DCAF17: variants seen among roughly 807,000 people sequenced by gnomAD.
The protein encoded by DCAF17 is DDB1- and CUL4-associated factor 17.
DCAF17 carries 48 observed loss-of-function variants against 66.0 expected under a neutral mutation model. The ratio of observed to expected loss-of-function variants is 0.73; its 90% CI spans 0.58 to 0.92. The LOEUF is 0.92. Among genes scored for constraint, DCAF17 ranks in the 40% least tolerant of loss-of-function variants. The probability of loss-of-function intolerance (pLI) is 0.00; values close to 1 mark genes in which losing one functional copy is unlikely to be tolerated. For missense variants in DCAF17, 562 were observed against 622.8 expected (o/e 0.90, Z 1.04); for synonymous variants, 206 against 214.6 (o/e 0.96, Z 0.35).
At chr2:171,477,455 T>A (rs1018994429) in intron 11 of DCAF17, among the ~76,000 whole-genome samples, 4 of 151,544 alleles carry the variant, frequency 2.6e-5, no homozygotes, top group Non-Finnish European at 5.9e-5. Context: ...TTTAAATAAT[T>A]TTTTTTTTGC....
At chr2:171,480,522 A>G (rs1696693858) in intron 13 of DCAF17, among the ~76,000 whole-genome samples, 1 of 152,182 alleles carries the variant, frequency 6.6e-6, no homozygotes, top group South Asian at 2.1e-4. Flanking sequence ...AATCCCCACA[A>G]TTATTTACTA....
chr2:171,434,838 CG>C (rs1693737298), intron 1 of DCAF17, 135 bp downstream of exon 1: 1 of 1,345,282 alleles, frequency 7.4e-7, no homozygotes, highest in Middle Eastern at 2.7e-4. Context: ...GATACAAGCC[CG>C]GAATCTGGGA....
Position 171,467,729 on chromosome 2 carries a change from A to G in DCAF17, c.839-1159A>G, listed in dbSNP as rs1488225946. The stretch of plus-strand genomic sequence containing the variant: ...TAGGTGACAGAGCGAGACTGTCTCA[A>G]AAAAAAAAAAAAAAAAAAAAAAAAA... On this transcript the variant is annotated intron_variant, in intron 8 of 13. Transcript: ENST00000375255. Among the ~76,000 whole-genome samples, 259 of 79,890 alleles carry G rather than the reference A, an allele frequency of 3.2e-3. 3 individuals carry two copies. The highest frequency in any genetic ancestry group is 5.3e-3 in the Non-Finnish European group (197 of 36,942). 52.4% of individuals were successfully genotyped at this position (79,890 alleles called of 152,430 possible). A position where few individuals can be genotyped will look rare whatever the true frequency, so the allele number is the denominator to read the frequency against.
intron 2 of DCAF17, among the ~76,000 whole-genome samples, chr2:171,436,256 A>G (rs143566585): frequency 4.6e-5 from 7 of 152,338 alleles, no homozygotes; most frequent in East Asian, 1.9e-4. Context: ...CCTTTTAGCT[A>G]TTATAAATAA....
chr2:171,462,637 G>A (rs1341395182), intron 8 of DCAF17, among the ~76,000 whole-genome samples: 1 of 152,068 alleles, frequency 6.6e-6, no homozygotes, highest in Admixed American at 6.5e-5. Flanking sequence ...TTGTCAATAT[G>A]ACAGTTTGTT....
At chr2:171,440,569 G>A (rs536179404) in intron 2 of DCAF17, among the ~76,000 whole-genome samples, 1 of 152,270 alleles carries the variant, frequency 6.6e-6, no homozygotes, top group South Asian at 2.1e-4. Flanking sequence ...GCGAGACAGT[G>A]TCTCAAAAAA....
rs749770451 is a variant in DCAF17 at position 171,483,244 on chromosome 2, A to C, written c.*2130A>C. On this transcript the variant is annotated 3_prime_UTR_variant, in exon 14 of 14. Transcript: ENST00000375255. ...ATTAATGTCTTCCTGCCCTACCTAA[A>C]CCCCCTCTTTACCTGATATTTTAAT... 98 of 453,600 alleles carry C rather than the reference A, an allele frequency of 2.2e-4. No individual in the cohort carries two copies. Among genetic ancestry groups the C allele is most frequent in the African/African-American group, 1.8e-3 (91 of 49,922 alleles). The allele number at this position is 453,600 out of a possible 1,614,324, so 28.1% of individuals were successfully genotyped here. A position where few individuals can be genotyped will look rare whatever the true frequency, so the allele number is the denominator to read the frequency against.
At chr2:171,460,914 A>G (rs1695549371) in intron 8 of DCAF17, among the ~76,000 whole-genome samples, 1 of 152,094 alleles carries the variant, frequency 6.6e-6, no homozygotes, top group Non-Finnish European at 1.5e-5. Context: ...AACATGATCT[A>G]TGAAATCATT....
At chr2:171,450,061 C>G (rs1205049743) in intron 5 of DCAF17, 104 bp downstream of exon 5, 1 of 1,029,618 alleles carries the variant, frequency 9.7e-7, no homozygotes, top group Non-Finnish European at 1.5e-6. Context: ...CTGAAGCATG[C>G]TGTAAAAGAT....
intron 5 of DCAF17, among the ~76,000 whole-genome samples, chr2:171,450,967 A>T (rs986925219): frequency 6.6e-6 from 1 of 151,972 alleles, no homozygotes; most frequent in South Asian, 2.1e-4. Flanking sequence ...GCTCTTATGC[A>T]CTGTAGTAAG....
At chr2:171,477,607 G>A (rs1220972460) in intron 11 of DCAF17, among the ~76,000 whole-genome samples, 1 of 152,148 alleles carries the variant, frequency 6.6e-6, no homozygotes, top group Non-Finnish European at 1.5e-5. Flanking sequence ...CACCCTGGGT[G>A]ACATGGTAAA....
chr2:171,436,695 T>C (rs1693985904), intron 2 of DCAF17, among the ~76,000 whole-genome samples: 1 of 152,016 alleles, frequency 6.6e-6, no homozygotes, highest in Admixed American at 6.6e-5. Context: ...TTATCAGATA[T>C]ATGATTTCAA....
intron 2 of DCAF17, 128 bp downstream of exon 2, chr2:171,435,314 C>T (rs1261811838): frequency 1.4e-6 from 1 of 724,196 alleles, no homozygotes; most frequent in East Asian, 2.7e-5. Flanking sequence ...CGAAATAAGA[C>T]TAGGCAGTAA....
intron 1 of DCAF17, 177 bp from the exon 2 acceptor site, chr2:171,434,905 TG>T: frequency 9.8e-7 from 1 of 1,025,376 alleles, no homozygotes; most frequent in Non-Finnish European, 1.4e-6. Flanking sequence ...ATGTCTTACC[TG>T]GAAACAATTA....
Position 171,443,558 on chromosome 2 carries a change from C to G in DCAF17, c.266C>G (p.Pro89Arg), listed in dbSNP as rs889604735. The G allele has an allele frequency of 1.2e-6, 2 of 1,612,712 alleles. No homozygotes were observed. Among genetic ancestry groups the G allele is most frequent in the East Asian group, 2.2e-5 (1 of 44,702 alleles). The stretch of plus-strand genomic sequence containing the variant: ...GAGCCAAGAAAACTTTATGAAATGC[C>G]AAAATGTTCCAAATCAGAAAAAATA... ...ASEPRKLYEM[P>R]KCSKSEKIED... Residue 89 changes from proline (P) to arginine (R), a missense_variant, in exon 3 of 14, where the codon CCA (proline) becomes CGA (arginine). By Grantham distance (103) the Pro-to-Arg change is moderately radical. Around this residue, in one of 3 missense-constraint regions of DCAF17, gnomAD observed 348 missense variants for 355.9 expected, o/e 0.98. Coordinates refer to ENST00000375255, the MANE Select transcript of DCAF17 (RefSeq NM_025000.4).
chr2:171,478,166 G>A, intron 12 of DCAF17, 96 bp downstream of exon 12: 1 of 1,139,790 alleles, frequency 8.8e-7, no homozygotes, highest in Non-Finnish European at 1.3e-6. Context: ...TAGAGGTTGG[G>A]GTTGAGGGGT....
intron 11 of DCAF17, among the ~76,000 whole-genome samples, chr2:171,477,515 C>T (rs1696553472): frequency 2.6e-5 from 4 of 152,128 alleles, no homozygotes; most frequent in East Asian, 3.9e-4. Context: ...ATTTTTGAGC[C>T]GGGCATGGTG....
intron 1 of DCAF17, 46 bp downstream of exon 1, chr2:171,434,749 GGCGGCCGA>G (rs1693719301): frequency 7.2e-7 from 1 of 1,391,000 alleles, no homozygotes; most frequent in Admixed American, 3.7e-5. Flanking sequence ...GCGGGCGCGC[GGCGGCCGA>G]GCCTCCTGCG....
Position 171,462,964 on chromosome 2 carries a change from G to T in DCAF17, c.838+4487G>T, listed in dbSNP as rs562621312. Among the ~76,000 whole-genome samples, 4 of 152,226 alleles carry T rather than the reference G, an allele frequency of 2.6e-5. No individual in the cohort carries two copies. The South Asian group carries it at 8.3e-4, about 32-fold the overall frequency. Reference sequence around the variant, plus strand: ...GGAGGAGTTTTAACTGGGCATAGTGGCTCATGCCTGTAATCTGAGCACTTT... The same window carrying T: ...GGAGGAGTTTTAACTGGGCATAGTGTCTCATGCCTGTAATCTGAGCACTTT... On this transcript the variant is annotated intron_variant, in intron 8 of 13. Coordinates refer to ENST00000375255, the MANE Select transcript of DCAF17 (RefSeq NM_025000.4).
Sources: allele counts gnomAD v4.1 joint callset (sites outside exome capture counted in the v4.1 genomes callset), GRCh38; gene constraint gnomAD v4.1.1; regional missense constraint gnomAD v4.1.1; transcripts MANE v1.5; gene names NCBI Gene and HGNC (gene_info 2026-07-23, HGNC 2026-07-21).